The following MICAL2 variants were observed in gnomAD, a reference collection of about 807,000 sequenced individuals.
The protein encoded by MICAL2 is microtubule associated monooxygenase, calponin and LIM domain containing 2, also known as [F-actin]-monooxygenase MICAL2.
MICAL2 carries 77 observed loss-of-function variants against 127.3 expected under a neutral mutation model. The observed-to-expected ratio is 0.60, with a 90% CI of 0.50 to 0.73. MICAL2 has a LOEUF of 0.73. MICAL2 is among the 30% of genes least tolerant of loss of function. MICAL2 has a pLI of 0.00. For missense variants in MICAL2, 1,351 were observed against 1,434.4 expected (o/e 0.94, Z 0.94); for synonymous variants, 570 against 551.1 (o/e 1.03, Z -0.48).
At chr11:12,165,675 C>A (rs1205741583) in intron 3 of MICAL2, among the ~76,000 whole-genome samples, 1 of 152,246 alleles carries the variant, frequency 6.6e-6, no homozygotes, top group Non-Finnish European at 1.5e-5. Flanking sequence ...CTGCCATATG[C>A]TGAGCACCAT....
chr11:12,140,363 T>C (rs1477549899), intron 2 of MICAL2, among the ~76,000 whole-genome samples: 1 of 152,230 alleles, frequency 6.6e-6, no homozygotes, highest in Non-Finnish European at 1.5e-5. Context: ...AGGGCTGAGC[T>C]GGGACATGGC....
At chr11:12,289,553 C>CTTTTTTTTTTTTTTTTTTTTTTTTTT (rs202153216), downstream of MICAL2, among the ~76,000 whole-genome samples, 2 of 42,078 alleles carry the variant, frequency 4.8e-5, 1 homozygote. Context: ...CTGGGCACCT[C>CTTTTTTTTTTTTTTTTTTTTTTTTTT]TTGTTTTTTT....
chr11:12,217,675 G>A (rs542321718), intron 8 of MICAL2, among the ~76,000 whole-genome samples: 85 of 152,272 alleles, frequency 5.6e-4, no homozygotes, highest in Non-Finnish European at 9.7e-4. Context: ...GGCCTCCTGG[G>A]ATGCTAAGGT....
chr11:12,335,714 C>A (rs1020841508), intron 32 of MICAL2, among the ~76,000 whole-genome samples: 1 of 152,130 alleles, frequency 6.6e-6, no homozygotes, highest in African/African-American at 2.4e-5. Context: ...ATAGGGAATC[C>A]TTTCCCCATT....
chr11:12,351,790 CTT>C (rs765474919), intron 33 of MICAL2, among the ~76,000 whole-genome samples: 2 of 145,122 alleles, frequency 1.4e-5, no homozygotes, highest in Non-Finnish European at 1.5e-5. Flanking sequence ...TGTATTATAA[CTT>C]TTTTTTTTTT....
intron 15 of MICAL2, among the ~76,000 whole-genome samples, chr11:12,230,389 C>T (rs1056754253): frequency 5.3e-5 from 8 of 152,146 alleles, no homozygotes; most frequent in Non-Finnish European, 8.8e-5. Context: ...CAACAAAACA[C>T]GCAACCCTCA....
intron 13 of MICAL2, chr11:12,225,834 C>A: frequency 3.3e-6 from 1 of 302,910 alleles, no homozygotes; most frequent in South Asian, 3.8e-5. Flanking sequence ...TACAAGATGC[C>A]CATTTTACTT....
chr11:12,261,693 A>G, intron 26 of MICAL2: 7 of 985,442 alleles, frequency 7.1e-6, no homozygotes, highest in Non-Finnish European at 8.4e-6. Flanking sequence ...GGCGGGAAGA[A>G]GGAGGTGCAT....
At chr11:12,262,800 C>G in intron 27 of MICAL2, 2 of 421,972 alleles carry the variant, frequency 4.7e-6, no homozygotes, top group Non-Finnish European at 8.6e-6. Flanking sequence ...CTTGGGTCTG[C>G]CTGCGTGCAT....
intron 22 of MICAL2, among the ~76,000 whole-genome samples, chr11:12,252,116 C>T (rs1186077067): frequency 1.3e-5 from 2 of 152,120 alleles, no homozygotes; most frequent in Non-Finnish European, 2.9e-5. Flanking sequence ...CCACAAAGCC[C>T]AGGAAGTCCT....
chr11:12,115,523 T>G (rs1369003687), intron 1 of MICAL2, among the ~76,000 whole-genome samples: 1 of 152,198 alleles, frequency 6.6e-6, no homozygotes, highest in Non-Finnish European at 1.5e-5. Context: ...CTTGCTATGT[T>G]GCCCAGGCTG....
At chr11:12,359,470 A>G (rs1218413513), downstream of MICAL2, among the ~76,000 whole-genome samples, 1 of 152,166 alleles carries the variant, frequency 6.6e-6, no homozygotes, top group Non-Finnish European at 1.5e-5. Context: ...CTTAGACTCA[A>G]AGAGAGAAGT....
intron 2 of MICAL2, among the ~76,000 whole-genome samples, chr11:12,284,987 T>G (rs1387325582): frequency 6.6e-6 from 1 of 152,220 alleles, no homozygotes; most frequent in Non-Finnish European, 1.5e-5. Context: ...AAGAGTTTAA[T>G]TTACACAGAG....
chr11:12,234,585 G>A (rs1858761704), intron 15 of MICAL2, among the ~76,000 whole-genome samples: 1 of 152,236 alleles, frequency 6.6e-6, no homozygotes, highest in African/African-American at 2.4e-5. Context: ...AGAAGGCAGG[G>A]CCCTTTGATG....
At chr11:12,348,586 A>C (rs900692689) in intron 32 of MICAL2, among the ~76,000 whole-genome samples, 3 of 152,162 alleles carry the variant, frequency 2.0e-5, no homozygotes, top group African/African-American at 7.2e-5. Flanking sequence ...AAGGGAACTA[A>C]TTTTTATGGA....
intron 1 of MICAL2, among the ~76,000 whole-genome samples, chr11:12,134,445 C>G (rs944667740): frequency 2.4e-4 from 36 of 152,280 alleles, no homozygotes; most frequent in Non-Finnish European, 2.9e-5. Flanking sequence ...CTGGGCTGCT[C>G]GCTGTTGGTT....
intron 3 of MICAL2, among the ~76,000 whole-genome samples, chr11:12,187,996 TTCCTCC>T (rs1259584412): frequency 1.3e-5 from 2 of 151,988 alleles, no homozygotes; most frequent in Admixed American, 6.6e-5. Flanking sequence ...AGTGTTGCTT[TTCCTCC>T]TCCTCCTCCT....
chr11:12,119,774 T>A (rs566589276), intron 1 of MICAL2, among the ~76,000 whole-genome samples: 1 of 152,154 alleles, frequency 6.6e-6, no homozygotes, highest in South Asian at 2.1e-4. Flanking sequence ...AGGCCATGAG[T>A]CACAGAGCCT....
At chr11:12,236,280 C>T (rs1021485826) in intron 16 of MICAL2, 35 bp downstream of exon 16, 18 of 1,598,122 alleles carry the variant, frequency 1.1e-5, no homozygotes, top group South Asian at 2.2e-5. Context: ...AACAGAGGCT[C>T]GTTTCCTGAC....
Sources: gnomAD v4.1 joint callset for allele counts (sites outside exome capture counted in the v4.1 genomes callset) on GRCh38, gnomAD v4.1.1 for gene constraint, MANE v1.5 for transcripts, NCBI Gene and HGNC (gene_info 2026-07-23, HGNC 2026-07-21) for gene names.